Variants in EPS8 observed in about 807,000 individuals in gnomAD.
EPS8 encodes epidermal growth factor receptor kinase substrate 8.
In EPS8, 42 loss-of-function variants were observed where a neutral mutation model predicts 103.8. The observed-to-expected ratio is 0.40, with a 90% CI of 0.32 to 0.52. EPS8 has a LOEUF of 0.52. Ranked by LOEUF, EPS8 falls within the 20% of genes least tolerant of loss-of-function variation. The probability of loss-of-function intolerance (pLI) is 0.40; values close to 1 mark genes in which losing one functional copy is unlikely to be tolerated. For synonymous variants in EPS8, 344 were observed against 344.6 expected (o/e 1.00, Z 0.02); for missense variants, 969 against 1,005.1 (o/e 0.96, Z 0.49).
At chr12:15,656,003 C>G (rs1199753742) in intron 12 of EPS8, among the ~76,000 whole-genome samples, 1 of 152,120 alleles carries the variant, frequency 6.6e-6, no homozygotes, top group Non-Finnish European at 1.5e-5. Flanking sequence ...TTGAGAAAAG[C>G]AGAGATACTA....
intron 8 of EPS8, among the ~76,000 whole-genome samples, chr12:15,664,147 G>A (rs1215620489): frequency 6.6e-6 from 1 of 150,544 alleles, no homozygotes; most frequent in Non-Finnish European, 1.5e-5. Flanking sequence ...AACACCATAA[G>A]TACACAAAAA....
At chr12:15,621,852 C>T (rs1339842073) in intron 20 of EPS8, among the ~76,000 whole-genome samples, 2 of 152,118 alleles carry the variant, frequency 1.3e-5, no homozygotes, top group African/African-American at 4.8e-5. Flanking sequence ...CACCCAGTTT[C>T]CCCTCCATAT....
At position 15,752,451 on chromosome 12, in the gene EPS8, A is replaced by C. The variant is rs935130439; in HGVS notation, c.-22+36710T>G. On this transcript the variant is annotated intron_variant, in intron 1 of 20. Coordinates refer to ENST00000281172, the MANE Select transcript of EPS8 (RefSeq NM_004447.6). The surrounding 1 kb of genome is among the most constrained non-coding windows in gnomAD (Gnocchi z 4.4). ...GACAGAGCAAGACTCCATCTCAAAAAAAAAACAAAAACAAAAAAAATAAAA... is the reference window on the plus strand; with the variant it reads ...GACAGAGCAAGACTCCATCTCAAAACAAAAACAAAAACAAAAAAAATAAAA... Among the ~76,000 whole-genome samples, 7 of 152,018 alleles carry C rather than the reference A, an allele frequency of 4.6e-5. No homozygotes were observed. Among genetic ancestry groups the C allele is most frequent in the African/African-American group, 1.4e-4 (6 of 41,386 alleles).
At chr12:15,672,148 T>C (rs1945828158) in intron 3 of EPS8, among the ~76,000 whole-genome samples, 1 of 152,138 alleles carries the variant, frequency 6.6e-6, no homozygotes, top group Non-Finnish European at 1.5e-5. Context: ...AGTATAGATA[T>C]TCTATAATAG....
intron 18 of EPS8, among the ~76,000 whole-genome samples, chr12:15,628,615 A>T (rs1039064747): frequency 2.0e-5 from 3 of 152,244 alleles, no homozygotes; most frequent in African/African-American, 4.8e-5. Context: ...CTTCTATGAC[A>T]CAAGGCTTCA....
At position 15,704,875 on chromosome 12, in the gene EPS8, A is replaced by G. The variant is rs2135944940; in HGVS notation, c.-21-21903T>C. On this transcript the variant is annotated intron_variant, in intron 1 of 20. Coordinates refer to ENST00000281172, the MANE Select transcript of EPS8 (RefSeq NM_004447.6). This position sits in a 1 kb window ranked among gnomAD's most constrained non-coding sequence, Gnocchi z 4.6. ...GCTGCCTCTGTTATGGGGATGTACT[A>G]GAAGATTAACAATTTCCTTGGCATG... is the stretch of plus-strand genomic sequence containing the variant. Among the ~76,000 whole-genome samples, 1 of 152,298 alleles carries G rather than the reference A, an allele frequency of 6.6e-6. No individual in the cohort carries two copies. Among genetic ancestry groups the G allele is most frequent in the African/African-American group, 2.4e-5 (1 of 41,566 alleles).
chr12:15,758,397 A>G (rs1947009264), intron 1 of EPS8, among the ~76,000 whole-genome samples: 1 of 152,218 alleles, frequency 6.6e-6, no homozygotes, highest in Admixed American at 6.5e-5. Context: ...CACAAAGACA[A>G]AAAGAGGTGG....
At position 15,721,577 on chromosome 12, in the gene EPS8, A is replaced by G. The variant is rs1265730628; in HGVS notation, c.-21-38605T>C. On this transcript the variant is annotated intron_variant, in intron 1 of 20. Transcript: ENST00000281172. This position sits in a 1 kb window ranked among gnomAD's most constrained non-coding sequence, Gnocchi z 4.4. ...CTCCAGTTAGAAGGCACACTGCTCT[A>G]CATCTCAGCCCATCAGTTTTCCTTC... is the stretch of plus-strand genomic sequence containing the variant. Among the ~76,000 whole-genome samples the G allele has an allele frequency of 6.6e-6, 1 of 152,212 alleles. No homozygotes were observed. The highest frequency in any genetic ancestry group is 2.4e-5 in the African/African-American group (1 of 41,460).
In EPS8 at chr12:15,670,932, G is replaced by A. The variant is rs1452355620; in HGVS notation, c.137-9C>T. On this transcript the variant is annotated splice_polypyrimidine_tract_variant and intron_variant, in intron 3 of 20. Coordinates refer to ENST00000281172, the MANE Select transcript of EPS8 (RefSeq NM_004447.6). Reference sequence around the variant, plus strand: ...ATAATTCTTCCTTTGTTCTGAAAGAGAAATTGAAAAAGCCATGATTTGTCC... The same window carrying A: ...ATAATTCTTCCTTTGTTCTGAAAGAAAAATTGAAAAAGCCATGATTTGTCC... 3 of 1,609,580 alleles carry A rather than the reference G, an allele frequency of 1.9e-6. No homozygotes were observed. Among genetic ancestry groups the A allele is most frequent in the Non-Finnish European group, 2.5e-6 (3 of 1,176,490 alleles).
rs1946665901 is a variant in EPS8 at position 15,727,474 on chromosome 12, G to A, written c.-21-44502C>T. 6.6e-6 allele frequency among the ~76,000 whole-genome samples: 1 copy of A among 152,142 alleles called. No individual in the cohort carries two copies. The highest frequency in any genetic ancestry group is 1.5e-5 in the Non-Finnish European group (1 of 68,028). ...TTTAATATTTCCTTTAATGTTGGTA[G>A]ATACTAATAAATTTAACTTAAGACA... On this transcript the variant is annotated intron_variant, in intron 1 of 20. Transcript: ENST00000281172. This position sits in a 1 kb window ranked among gnomAD's most constrained non-coding sequence, Gnocchi z 4.3.
intron 1 of EPS8, among the ~76,000 whole-genome samples, chr12:15,703,341 T>C (rs1430418154): frequency 6.6e-6 from 1 of 152,160 alleles, no homozygotes; most frequent in Non-Finnish European, 1.5e-5. Flanking sequence ...TAGTAAATGT[T>C]ATTACTGTAT....
chr12:15,675,076 A>G (rs1210148534), intron 3 of EPS8, among the ~76,000 whole-genome samples: 5 of 152,220 alleles, frequency 3.3e-5, no homozygotes, highest in Admixed American at 6.5e-5. Context: ...TATGGAATGG[A>G]TATGTGTTAA....
rs549437205 is a variant in EPS8 at position 15,675,218 on chromosome 12, C to A, written c.137-4295G>T. On this transcript the variant is annotated intron_variant, in intron 3 of 20. Coordinates refer to ENST00000281172, the MANE Select transcript of EPS8 (RefSeq NM_004447.6). Reference sequence around the variant, plus strand: ...TACTTATACTCAATTCTTACCAACACCTCCTTGAGAAGAAAATACAAAGAT... The same window carrying A: ...TACTTATACTCAATTCTTACCAACAACTCCTTGAGAAGAAAATACAAAGAT... Among the ~76,000 whole-genome samples the A allele has an allele frequency of 3.3e-5, 5 of 152,312 alleles. No homozygotes were observed. The East Asian group carries it at 5.8e-4, about 18-fold the overall frequency.
chr12:15,720,446 C>T (rs1300070813), intron 1 of EPS8, among the ~76,000 whole-genome samples: 1 of 152,084 alleles, frequency 6.6e-6, no homozygotes, highest in Non-Finnish European at 1.5e-5. Context: ...CCATCATGCC[C>T]AACAATAACT....
intron 13 of EPS8, among the ~76,000 whole-genome samples, chr12:15,651,387 T>A (rs1945411533): frequency 6.6e-6 from 1 of 152,118 alleles, no homozygotes; most frequent in Non-Finnish European, 1.5e-5. Flanking sequence ...TTTAAAGTAG[T>A]TTCAGATTCT....
intron 1 of EPS8, among the ~76,000 whole-genome samples, chr12:15,689,916 C>T (rs560571955): frequency 3.1e-4 from 47 of 152,146 alleles, no homozygotes; most frequent in Non-Finnish European, 5.7e-4. Flanking sequence ...TTGGTAATAT[C>T]ATCTTTAATG....
At chr12:15,774,474 G>C (rs929790366) in intron 1 of EPS8, among the ~76,000 whole-genome samples, 4 of 151,510 alleles carry the variant, frequency 2.6e-5, no homozygotes, top group Non-Finnish European at 5.9e-5. Context: ...TAGTAAGTAT[G>C]AATGACTTCT....
intron 15 of EPS8, among the ~76,000 whole-genome samples, chr12:15,642,052 C>G (rs1180990171): frequency 1.3e-5 from 2 of 151,954 alleles, no homozygotes; most frequent in Non-Finnish European, 1.5e-5. Flanking sequence ...AATGCAAAAT[C>G]ACAAGGCCAG....
chr12:15,696,170 A>T lies in EPS8; in HGVS notation c.-21-13198T>A, dbSNP rs189499028. Among the ~76,000 whole-genome samples the T allele has an allele frequency of 3.4e-4, 52 of 152,334 alleles. No homozygotes were observed. The highest frequency in any genetic ancestry group is 2.7e-3 in the Admixed American group (41 of 15,292). ...TTTTAATGTTTCAAGACAAGGTGAA[A>T]CAGTACTCTGTTGACAAAAAATATG... On this transcript the variant is annotated intron_variant, in intron 1 of 20. Transcript: ENST00000281172. This position sits in a 1 kb window ranked among gnomAD's most constrained non-coding sequence, Gnocchi z 4.8.
Sources: gnomAD v4.1 joint callset for allele counts (sites outside exome capture counted in the v4.1 genomes callset) on GRCh38, gnomAD v4.1.1 for gene constraint, Gnocchi (gnomAD v3.1) non-coding constraint, MANE v1.5 for transcripts, NCBI Gene and HGNC (gene_info 2026-07-23, HGNC 2026-07-21) for gene names.